ADAM12: variants seen among roughly 807,000 people sequenced by gnomAD.
ADAM12 encodes the protein ADAM metallopeptidase domain 12, also known as disintegrin and metalloproteinase domain-containing protein 12.
A neutral mutation model predicts 106.4 loss-of-function variants in ADAM12; 70 were observed. That is an observed-to-expected ratio of 0.66 (90% CI 0.54 to 0.80). The LOEUF is 0.80. Among genes scored for constraint, ADAM12 ranks in the 30% least tolerant of loss-of-function variants. The pLI is 0.00. For missense variants in ADAM12, 1,010 were observed against 1,171.9 expected, an observed-to-expected ratio of 0.86 and a Z score of 2.02; for synonymous variants, 420 against 433.5, an observed-to-expected ratio of 0.97 and a Z score of 0.39.
chr10:126,366,006 A>T (rs1855896386), intron 1 of ADAM12, among the ~76,000 whole-genome samples: 1 of 152,250 alleles, frequency 6.6e-6, no homozygotes, highest in Non-Finnish European at 1.5e-5. Flanking sequence ...AAAGAATATT[A>T]TACGAGGTTT....
At chr10:126,330,299 A>C in intron 2 of ADAM12, 113 bp downstream of exon 2, 11 of 878,196 alleles carry the variant, frequency 1.3e-5, no homozygotes, top group Non-Finnish European at 1.7e-5. Context: ...CTCTAAGGAT[A>C]GAGTTAGCAT....
At position 126,064,399 on chromosome 10, in the gene ADAM12, T is replaced by C. The variant is rs1954819562; in HGVS notation, c.1609+407A>G. On this transcript the variant is annotated intron_variant, in intron 14 of 22. Coordinates refer to ENST00000448723, the MANE Select transcript of ADAM12 (RefSeq NM_001288973.2). The surrounding 1 kb of genome is among the most constrained non-coding windows in gnomAD (Gnocchi z 4.4). ...GGAAAGTTCTGTCTGTCTGTCCAAC[T>C]ACGTGCTATGCTATCTGAGGGCAGG... Among the ~76,000 whole-genome samples, 1 of 152,188 alleles carries C rather than the reference T, an allele frequency of 6.6e-6. No individual in the cohort carries two copies. The highest frequency in any genetic ancestry group is 2.4e-5 in the African/African-American group (1 of 41,446).
intron 3 of ADAM12, among the ~76,000 whole-genome samples, chr10:126,166,491 C>CTTT (rs1341763485): frequency 8.0e-6 from 1 of 125,380 alleles, no homozygotes; most frequent in Non-Finnish European, 1.9e-5. Flanking sequence ...AGGCAGGTTT[C>CTTT]TTTTTTTTTG....
intron 2 of ADAM12, among the ~76,000 whole-genome samples, chr10:126,313,474 C>T (rs980791252): frequency 3.3e-5 from 5 of 152,178 alleles, no homozygotes; most frequent in African/African-American, 1.2e-4. Flanking sequence ...GTCAAAGTCT[C>T]CCACCTGGGA....
intron 21 of ADAM12, among the ~76,000 whole-genome samples, chr10:126,028,663 A>G (rs1953920797): frequency 6.6e-6 from 1 of 152,344 alleles, no homozygotes; most frequent in Non-Finnish European, 1.5e-5. Flanking sequence ...CTCAGGATCG[A>G]TTAAAGACTT....
rs74158395 is a variant in ADAM12, at chr10:126,236,525, T to C, written c.260+42390A>G. ...CAGCCTGGGCCACAGAGGTGGATAC[T>C]GCATGGGAGAGTGTGGAAAGGAAAG... On this transcript the variant is annotated intron_variant, in intron 3 of 22. Coordinates refer to ENST00000448723, the MANE Select transcript of ADAM12 (RefSeq NM_001288973.2). Among the ~76,000 whole-genome samples the C allele has an allele frequency of 3.4e-3, 524 of 152,218 alleles. 4 individuals are homozygous for C. The highest frequency in any genetic ancestry group is 0.012 in the African/African-American group (498 of 41,540).
At chr10:126,263,074 T>C (rs1959032173) in intron 3 of ADAM12, among the ~76,000 whole-genome samples, 1 of 152,234 alleles carries the variant, frequency 6.6e-6, no homozygotes, top group African/African-American at 2.4e-5. Context: ...TTCACTGAAA[T>C]ACAATGAGAT....
At chr10:126,105,898 C>T (rs989296504) in intron 8 of ADAM12, among the ~76,000 whole-genome samples, 2 of 152,222 alleles carry the variant, frequency 1.3e-5, no homozygotes, top group African/African-American at 4.8e-5. Flanking sequence ...GGAAGTTTGA[C>T]CTGCTTCAAA....
chr10:126,067,627 A>G (rs754709606), intron 12 of ADAM12, among the ~76,000 whole-genome samples: 2 of 152,258 alleles, frequency 1.3e-5, no homozygotes, highest in Non-Finnish European at 2.9e-5. Context: ...GCCTGCACGC[A>G]TTTATCAAGT....
At chr10:126,039,529 CAG>C in intron 18 of ADAM12, 100 bp from the exon 19 acceptor site, 1 of 1,456,610 alleles carries the variant, frequency 6.9e-7, no homozygotes, top group Middle Eastern at 1.7e-4. Flanking sequence ...TCTGAAGCAA[CAG>C]AAATGAAGAG....
chr10:126,214,780 A>C (rs1233298811), intron 3 of ADAM12, among the ~76,000 whole-genome samples: 4 of 152,248 alleles, frequency 2.6e-5, no homozygotes, highest in Admixed American at 1.3e-4. Flanking sequence ...AGTTAATCAC[A>C]GGTGGCTATG....
chr10:126,190,895 G>C (rs1027043231), intron 3 of ADAM12, among the ~76,000 whole-genome samples: 5 of 150,580 alleles, frequency 3.3e-5, no homozygotes, highest in Non-Finnish European at 7.4e-5. Context: ...GGAGGCACAA[G>C]ATAATGCTGG....
intron 1 of ADAM12, among the ~76,000 whole-genome samples, chr10:126,375,366 C>T (rs1856251296): frequency 6.6e-6 from 1 of 151,914 alleles, no homozygotes; most frequent in African/African-American, 2.4e-5. Context: ...CTAGTATTTC[C>T]CCACTATCTT....
In ADAM12 at chr10:126,017,052, C is replaced by T. The variant is rs1953673153; in HGVS notation, c.*227G>A. 4.2e-6 allele frequency: 2 copies of T among 478,914 alleles called. No homozygotes were observed. The highest frequency in any genetic ancestry group is 3.7e-6 in the Non-Finnish European group (1 of 270,238). 29.7% of individuals were successfully genotyped at this position (478,914 alleles called of 1,614,324 possible). On this transcript the variant is annotated 3_prime_UTR_variant, in exon 23 of 23. Coordinates refer to ENST00000448723, the MANE Select transcript of ADAM12 (RefSeq NM_001288973.2). ...TGGTAAAAATGCCTACTACAGCGCA[C>T]TGCACTGTAATCAACATTCTGCATA...
chr10:126,303,834 T>C (rs1424512294), intron 2 of ADAM12, among the ~76,000 whole-genome samples: 2 of 152,126 alleles, frequency 1.3e-5, no homozygotes, highest in African/African-American at 4.8e-5. Flanking sequence ...ATACACCAAA[T>C]TGGCTGGTTC....
intron 3 of ADAM12, among the ~76,000 whole-genome samples, chr10:126,248,589 T>C (rs1000153845): frequency 6.6e-6 from 1 of 152,218 alleles, no homozygotes; most frequent in African/African-American, 2.4e-5. Flanking sequence ...CACATTTCAG[T>C]ACTCTTGACA....
chr10:126,263,713 A>T (rs1246957517), intron 3 of ADAM12, among the ~76,000 whole-genome samples: 1 of 152,196 alleles, frequency 6.6e-6, no homozygotes, highest in African/African-American at 2.4e-5. Flanking sequence ...TAGGGTAAAA[A>T]CCAATTAACT....
At chr10:126,194,485 C>G (rs1360073393) in intron 3 of ADAM12, among the ~76,000 whole-genome samples, 1 of 152,166 alleles carries the variant, frequency 6.6e-6, no homozygotes, top group Non-Finnish European at 1.5e-5. Context: ...GCATTTCTCA[C>G]ACGTAGAGAA....
At chr10:126,163,531 C>T (rs1227370794) in intron 3 of ADAM12, among the ~76,000 whole-genome samples, 1 of 152,184 alleles carries the variant, frequency 6.6e-6, no homozygotes, top group South Asian at 2.1e-4. Flanking sequence ...ACATGAATGA[C>T]CTCCAAATTG....
Sources: gnomAD v4.1 joint callset for allele counts (sites outside exome capture counted in the v4.1 genomes callset) on GRCh38, gnomAD v4.1.1 for gene constraint, Gnocchi (gnomAD v3.1) non-coding constraint, MANE v1.5 for transcripts, NCBI Gene and HGNC (gene_info 2026-07-23, HGNC 2026-07-21) for gene names.